Variants in SH3RF3 observed in about 807,000 individuals in gnomAD.
SH3RF3 encodes the protein SH3 domain containing ring finger 3, also known as E3 ubiquitin-protein ligase SH3RF3.
SH3RF3 carries 29 observed loss-of-function variants against 66.3 expected under a neutral mutation model. The ratio of observed to expected loss-of-function variants is 0.44; its 90% CI spans 0.33 to 0.60. SH3RF3 has a LOEUF of 0.60. SH3RF3 is among the 20% of genes least tolerant of loss of function. The pLI is 0.04. For synonymous variants in SH3RF3, 583 were observed against 532.0 expected (o/e 1.10, Z -1.32); for missense variants, 1,194 against 1,190.9 (o/e 1.00, Z -0.04).
At chr2:109,205,957 A>G (rs1375590449) in intron 1 of SH3RF3, among the ~76,000 whole-genome samples, 1 of 152,198 alleles carries the variant, frequency 6.6e-6, no homozygotes, top group East Asian at 1.9e-4. Context: ...AGCTCTTTGT[A>G]ACATTGAGAT....
chr2:109,132,238 C>G (rs1259260268), intron 1 of SH3RF3, among the ~76,000 whole-genome samples: 1 of 152,056 alleles, frequency 6.6e-6, no homozygotes, highest in African/African-American at 2.4e-5. Flanking sequence ...TTCTTTTGGG[C>G]CAATTAGGGT....
intron 9 of SH3RF3, among the ~76,000 whole-genome samples, chr2:109,497,162 T>C (rs36182108): frequency 0.26 from 39,208 of 152,200 alleles, 5,410 homozygotes; most frequent in East Asian, 0.5. Flanking sequence ...TCATTCGTTA[T>C]AGCCATAAAC....
intron 8 of SH3RF3, among the ~76,000 whole-genome samples, chr2:109,450,488 A>G (rs1221983868): frequency 1.3e-5 from 2 of 152,248 alleles, no homozygotes; most frequent in Non-Finnish European, 1.5e-5. Flanking sequence ...GCAAACCTCA[A>G]ATCTAATTTT....
intron 1 of SH3RF3, among the ~76,000 whole-genome samples, chr2:109,176,411 C>A (rs1677915839): frequency 6.6e-6 from 1 of 152,024 alleles, no homozygotes; most frequent in East Asian, 1.9e-4. Flanking sequence ...TTTTAGGAGC[C>A]CAATAGTTGC....
At chr2:109,468,723 G>C (rs571672421) in intron 8 of SH3RF3, among the ~76,000 whole-genome samples, 1 of 151,500 alleles carries the variant, frequency 6.6e-6, no homozygotes, top group Non-Finnish European at 1.5e-5. Flanking sequence ...GCATGGTGGC[G>C]GGCACCTGTA....
intron 1 of SH3RF3, among the ~76,000 whole-genome samples, chr2:109,190,854 A>G (rs1474556809): frequency 2.6e-5 from 4 of 151,880 alleles, no homozygotes; most frequent in African/African-American, 7.3e-5. Flanking sequence ...CTGGTTAAGC[A>G]CTTACTGTAT....
intron 2 of SH3RF3, among the ~76,000 whole-genome samples, chr2:109,350,201 A>G (rs1047743676): frequency 1.3e-5 from 2 of 152,186 alleles, no homozygotes; most frequent in Non-Finnish European, 2.9e-5. Context: ...GTAGCCGAGC[A>G]GGGGTCCATC....
intron 3 of SH3RF3, among the ~76,000 whole-genome samples, chr2:109,392,667 T>C (rs1346649393): frequency 2.0e-5 from 3 of 151,996 alleles, no homozygotes; most frequent in Admixed American, 1.3e-4. Context: ...TACAGGCGCC[T>C]GCCACCACGC....
intron 5 of SH3RF3, among the ~76,000 whole-genome samples, chr2:109,425,772 T>G (rs1281668280): frequency 1.3e-5 from 2 of 152,240 alleles, no homozygotes; most frequent in Non-Finnish European, 2.9e-5. Flanking sequence ...CTGATGGAGA[T>G]GTACAAGGAG....
rs756931742 is a variant in SH3RF3, at chr2:109,129,867, C to T, written c.327C>T (p.Pro109=). ...TGGGCTGCGGCGTGGACGAACTGCC[C>T]GCCAACATCTTGCTGGTGCGACTGC... ...ILVGCGVDEL[P]ANILLVRLLD... Residue 109 remains proline, a synonymous_variant, in exon 1 of 10, where the codon CCC becomes CCT. Coordinates refer to ENST00000309415, the MANE Select transcript of SH3RF3 (RefSeq NM_001099289.3). The T allele has an allele frequency of 1.3e-6, 2 of 1,525,046 alleles. No homozygotes were observed. The highest frequency in any genetic ancestry group is 4.0e-5 in the Admixed American group (2 of 49,828). The allele number at this position is 1,525,046 out of a possible 1,614,324, so 94.5% of individuals were successfully genotyped here.
rs191653186 is a variant in SH3RF3 at position 109,230,683 on chromosome 2, C to T, written c.573+100570C>T. 8.5e-5 allele frequency among the ~76,000 whole-genome samples: 13 copies of T among 152,272 alleles called. No individual in the cohort carries two copies. The East Asian group carries it at 1.5e-3, about 18-fold the overall frequency. On this transcript the variant is annotated intron_variant, in intron 1 of 9. Transcript: ENST00000309415. ...TAAACCCATTGTAATGTCAGAAAAT[C>T]GTAAGTCGGGGATCATCAGCTATGT...
intron 1 of SH3RF3, among the ~76,000 whole-genome samples, chr2:109,179,648 G>T (rs1678028340): frequency 6.6e-6 from 1 of 152,188 alleles, no homozygotes; most frequent in Non-Finnish European, 1.5e-5. Context: ...GGGCAAGAAT[G>T]TGCTAGCTAA....
At chr2:109,355,595 G>T (rs1682931095) in intron 2 of SH3RF3, among the ~76,000 whole-genome samples, 2 of 152,190 alleles carry the variant, frequency 1.3e-5, no homozygotes, top group Non-Finnish European at 2.9e-5. Context: ...CACTATCAGG[G>T]CCAAGGGCAC....
chr2:109,248,619 T>C (rs1046720421), intron 1 of SH3RF3, among the ~76,000 whole-genome samples: 2 of 152,220 alleles, frequency 1.3e-5, no homozygotes, highest in Non-Finnish European at 2.9e-5. Context: ...GTATATTAAA[T>C]AGGTTTGAAT....
intron 1 of SH3RF3, among the ~76,000 whole-genome samples, chr2:109,254,963 T>C (rs1319351336): frequency 6.6e-6 from 1 of 152,196 alleles, no homozygotes; most frequent in Admixed American, 6.5e-5. Context: ...TGAACACCTA[T>C]GTGGGGCTCT....
chr2:109,207,764 A>G (rs10184308), intron 1 of SH3RF3, among the ~76,000 whole-genome samples: 106,911 of 152,128 alleles, frequency 0.7, 37,764 homozygotes, highest in East Asian at 0.9. Context: ...TGCTAAAATC[A>G]ACTGTATTCA....
chr2:109,503,613 A>T lies in SH3RF3; in HGVS notation c.*1942A>T, dbSNP rs1438359566. 1 of 152,190 alleles carries T rather than the reference A, an allele frequency of 6.6e-6. No individual in the cohort carries two copies. Among genetic ancestry groups the T allele is most frequent in the Non-Finnish European group, 1.5e-5 (1 of 68,038 alleles). 9.4% of individuals were successfully genotyped at this position (152,190 alleles called of 1,614,324 possible). A position where few individuals can be genotyped will look rare whatever the true frequency, so the allele number is the denominator to read the frequency against. On this transcript the variant is annotated 3_prime_UTR_variant, in exon 10 of 10. Coordinates refer to ENST00000309415, the MANE Select transcript of SH3RF3 (RefSeq NM_001099289.3). ...CATCAGTTGCCCATCCTGCACCAAA[A>T]TCCTGTGCGTGTTTAAATTCACGTT...
intron 1 of SH3RF3, among the ~76,000 whole-genome samples, chr2:109,274,044 A>G (rs534387120): frequency 2.8e-4 from 42 of 152,302 alleles, no homozygotes; most frequent in African/African-American, 9.6e-4. Context: ...ATTACCTCCT[A>G]TGTGTGATTA....
In SH3RF3 at chr2:109,419,570, C is replaced by T. The variant is rs750908319; in HGVS notation, c.1331C>T (p.Thr444Met). ...DVSSSAGSTP[T>M]AVPRAASVSG... ...TCCTCCTCGGCGGGATCTACCCCCA[C>T]GGCTGTCCCACGGGCTGCCTCGGTG... is the stretch of plus-strand genomic sequence containing the variant. Residue 444 changes from threonine to methionine, a missense_variant, in exon 5 of 10, where the codon ACG becomes ATG. Physicochemically the swap from Thr to Met is moderately conservative, Grantham distance 81 (BLOSUM62 -1). Transcript: ENST00000309415. 1.8e-5 allele frequency: 28 copies of T among 1,598,748 alleles called. No individual in the cohort carries two copies. The African/African-American group carries it at 2.3e-4, about 13-fold the overall frequency.
Sources: gnomAD v4.1 joint callset for allele counts (sites outside exome capture counted in the v4.1 genomes callset) on GRCh38, gnomAD v4.1.1 for gene constraint, MANE v1.5 for transcripts, NCBI Gene and HGNC (gene_info 2026-07-23, HGNC 2026-07-21) for gene names.